GMPR2: variants seen among roughly 807,000 people sequenced by gnomAD.
GMPR2 encodes GMP reductase 2.
GMPR2 carries 32 observed loss-of-function variants against 38.5 expected under a neutral mutation model. That is an observed-to-expected ratio of 0.83 (90% CI 0.63 to 1.12). GMPR2 has a LOEUF of 1.12. Among genes scored for constraint, GMPR2 ranks in the 50% most tolerant of loss-of-function variants. GMPR2 has a pLI of 0.00. For synonymous variants in GMPR2, 154 were observed against 151.0 expected, an observed-to-expected ratio of 1.02 and a Z score of -0.15; for missense variants, 396 against 432.1, an observed-to-expected ratio of 0.92 and a Z score of 0.74.
chr14:24,237,551 C>T lies in GMPR2; in HGVS notation c.686C>T (p.Ala229Val), dbSNP rs1330592751. The change falls in exon 8 of 10, where the codon GCC becomes GTC. Residue 229 changes from alanine (A) to valine (V), a missense_variant. Ala to Val is a moderately conservative substitution (Grantham distance 64). Coordinates refer to ENST00000399440, the MANE Select transcript of GMPR2 (RefSeq NM_001002002.3). ...DGGCSCPGDV[A>V]KAFGAGADFV... ...GGTTGCAGCTGTCCTGGGGATGTGG[C>T]CAAGGCTTTTGGTAAGGAGCTTGAG... 2 of 1,613,634 alleles carry T rather than the reference C, an allele frequency of 1.2e-6. No homozygotes were observed. The highest frequency in any genetic ancestry group is 1.7e-6 in the Non-Finnish European group (2 of 1,179,808).
At position 24,239,190 on chromosome 14, in the gene GMPR2, A is replaced by C; in HGVS notation, c.*412A>C. 2.7e-6 allele frequency: 1 copy of C among 366,752 alleles called. No homozygotes were observed. Among genetic ancestry groups the C allele is most frequent in the Non-Finnish European group, 5.3e-6 (1 of 188,776 alleles). The allele number at this position is 366,752 out of a possible 1,614,324, so 22.7% of individuals were successfully genotyped here. On this transcript the variant is annotated 3_prime_UTR_variant, in exon 10 of 10. Coordinates refer to ENST00000399440, the MANE Select transcript of GMPR2 (RefSeq NM_001002002.3). Reference sequence around the variant, plus strand: ...CCTTCACATATCTAAAAAGCTCTGAAGTGTTTGTATATTTGAAATACCTCA... The same window carrying C: ...CCTTCACATATCTAAAAAGCTCTGACGTGTTTGTATATTTGAAATACCTCA...
chr14:24,238,527 GAA>G, intron 9 of GMPR2, 60 bp from the exon 10 acceptor site: 1 of 1,614,026 alleles, frequency 6.2e-7, no homozygotes, highest in East Asian at 2.2e-5. Context: ...AGGGTCTGTG[GAA>G]AAGTCCCTGG....
chr14:24,238,146 C>T (rs957652533), intron 8 of GMPR2, 100 bp from the exon 9 acceptor site: 3 of 1,078,546 alleles, frequency 2.8e-6, no homozygotes, highest in African/African-American at 1.6e-5. Context: ...ACGCTGGAAT[C>T]ATTGTCAGGA....
rs756023713 is a variant in GMPR2, at chr14:24,237,282, G to A, written c.585G>A (p.Gly195=). The change falls in exon 7 of 10, where the codon GGG becomes GGA. Residue 195 remains glycine, a synonymous_variant. Transcript: ENST00000399440. ...CTACTCGGAAGAAAACTGGAGTGGGGTATCCACAGCTCAGCGCAGTGATGG... is the reference window on the plus strand; with the variant it reads ...CTACTCGGAAGAAAACTGGAGTGGGATATCCACAGCTCAGCGCAGTGATGG... ...VCTTRKKTGV[G]YPQLSAVMEC... is the part of the protein sequence containing the mutation. 1.9e-6 allele frequency: 3 copies of A among 1,611,844 alleles called. No individual in the cohort carries two copies. Among genetic ancestry groups the A allele is most frequent in the African/African-American group, 1.3e-5 (1 of 74,872 alleles).
intron 3 of GMPR2, chr14:24,234,213 T>C (rs1426668818): frequency 7.8e-7 from 1 of 1,289,470 alleles, no homozygotes; most frequent in Non-Finnish European, 1.0e-6. Flanking sequence ...TCAGTACTAT[T>C]ACCTGCCTCT....
Position 24,238,786 on chromosome 14 carries a change from C to A in GMPR2, c.*8C>A. The A allele has an allele frequency of 6.2e-7, 1 of 1,608,816 alleles. No individual in the cohort carries two copies. The stretch of plus-strand genomic sequence containing the variant: ...TTCAGTGAGGCGTGCTAGACCTGAG[C>A]AGTTCTACCCTCCCAAGGCACCAGT... On this transcript the variant is annotated 3_prime_UTR_variant, in exon 10 of 10. Coordinates refer to ENST00000399440, the MANE Select transcript of GMPR2 (RefSeq NM_001002002.3).
Position 24,233,504 on chromosome 14 carries a change from T to G in GMPR2, c.113T>G (p.Phe38Cys). The change falls in exon 3 of 10, where the codon TTT (phenylalanine) becomes TGT (cysteine). Residue 38 changes from phenylalanine to cysteine, a missense_variant. Coordinates refer to ENST00000399440, the MANE Select transcript of GMPR2 (RefSeq NM_001002002.3). ...SEVDLTRSFS[F>C]RNSKQTYSGV... ...GTGGATCTCACAAGATCCTTTTCAT[T>G]TCGGAACTCAAAGCAGACATACTCT... 6.2e-7 allele frequency: 1 copy of G among 1,614,054 alleles called. No homozygotes were observed. Among genetic ancestry groups the G allele is most frequent in the Non-Finnish European group, 8.5e-7 (1 of 1,179,976 alleles).
At chr14:24,238,216 A>T (rs1555360005) in intron 8 of GMPR2, 30 bp from the exon 9 acceptor site, 10 of 1,586,032 alleles carry the variant, frequency 6.3e-6, no homozygotes, top group African/African-American at 1.3e-5. Flanking sequence ...GGCCAGATTA[A>T]TCTCTTTCCC....
chr14:24,238,798 C>T lies in GMPR2; in HGVS notation c.*20C>T, dbSNP rs1379176153. On this transcript the variant is annotated 3_prime_UTR_variant, in exon 10 of 10. Transcript: ENST00000399440. ...TGCTAGACCTGAGCAGTTCTACCCT[C>T]CCAAGGCACCAGTACTCTACCATGG... is the stretch of plus-strand genomic sequence containing the variant. 3.7e-6 allele frequency: 6 copies of T among 1,604,296 alleles called. No individual in the cohort carries two copies. Among genetic ancestry groups the T allele is most frequent in the Non-Finnish European group, 5.1e-6 (6 of 1,175,856 alleles).
chr14:24,233,114 G>C (rs2040134372), intron 1 of GMPR2, 105 bp from the exon 2 acceptor site: 3 of 1,479,432 alleles, frequency 2.0e-6, no homozygotes, highest in South Asian at 2.3e-5. Flanking sequence ...ACCACACTTC[G>C]GCCTTTGCCC....
At position 24,233,113 on chromosome 14, in the gene GMPR2, C is replaced by A. The variant is rs1035726199; in HGVS notation, c.-35-106C>A. On this transcript the variant is annotated intron_variant, in intron 1 of 9. Coordinates refer to ENST00000399440, the MANE Select transcript of GMPR2 (RefSeq NM_001002002.3). ...GTGACAGGCTTCAGGGACCACACTT[C>A]GGCCTTTGCCCGACCTTCCACAACT... The A allele has an allele frequency of 3.4e-6, 5 of 1,461,940 alleles. No individual in the cohort carries two copies. In the Admixed American group the frequency reaches 8.6e-5, roughly 25 times the overall value. The allele number at this position is 1,461,940 out of a possible 1,614,324, so 90.6% of individuals were successfully genotyped here. A position where few individuals can be genotyped will look rare whatever the true frequency, so the allele number is the denominator to read the frequency against.
At position 24,237,141 on chromosome 14, in the gene GMPR2, G is replaced by A. The variant is rs754067969; in HGVS notation, c.536G>A (p.Gly179Glu). ...ILSGADIIKVGIGPGSVCTTR... is the reference protein window; with the variant it reads ...ILSGADIIKVEIGPGSVCTTR... The stretch of plus-strand genomic sequence containing the variant: ...TCTGGGGCTGACATCATCAAAGTGG[G>A]AATTGGGCCAGGTAAGCTGGTTCAT... The change falls in exon 6 of 10, where the codon GGA becomes GAA. Residue 179 changes from glycine (G) to glutamate (E), a missense_variant. Gly to Glu is a moderately conservative substitution (Grantham distance 98). Transcript: ENST00000399440. 1.2e-6 allele frequency: 2 copies of A among 1,609,158 alleles called. No individual in the cohort carries two copies. The highest frequency in any genetic ancestry group is 3.3e-5 in the Admixed American group (2 of 60,026).
At position 24,238,295 on chromosome 14, in the gene GMPR2, T is replaced by C; in HGVS notation, c.747T>C (p.Ser249=). The C allele has an allele frequency of 1.9e-6, 3 of 1,613,932 alleles. No individual in the cohort carries two copies. The highest frequency in any genetic ancestry group is 1.7e-4 in the Middle Eastern group (1 of 6,050). ...VMLGGMLAGH[S]ESGGELIERD... ...TGGGTGGCATGCTGGCTGGGCACAG[T>C]GAGTCAGGTGGTGAGCTCATCGAGA... is the stretch of plus-strand genomic sequence containing the variant. The change falls in exon 9 of 10, where the codon AGT becomes AGC. Residue 249 remains serine, a synonymous_variant. Transcript: ENST00000399440.
rs758128623 is a variant in GMPR2 at position 24,235,786 on chromosome 14, AAG to A, written c.260_261del (p.Glu87ValfsTer7). 1.9e-6 allele frequency: 3 copies of A among 1,613,752 alleles called. No homozygotes were observed. The highest frequency in any genetic ancestry group is 2.5e-6 in the Non-Finnish European group (3 of 1,179,618). ...AAGCACTATAGCCTCGTTCAGTGGC[AAG>A]AGTTTGCTGGCCAGAATCCTGACTG... is the stretch of plus-strand genomic sequence containing the variant. On this transcript the variant is annotated frameshift_variant, in exon 4 of 10. Coordinates refer to ENST00000399440, the MANE Select transcript of GMPR2 (RefSeq NM_001002002.3). LOFTEE classifies it high-confidence loss of function.
At position 24,233,316 on chromosome 14, in the gene GMPR2, C is replaced by T; in HGVS notation, c.63C>T (p.Arg21=). 6.2e-7 allele frequency: 1 copy of T among 1,614,150 alleles called. No individual in the cohort carries two copies. The highest frequency in any genetic ancestry group is 1.1e-5 in the South Asian group (1 of 91,084). The change falls in exon 2 of 10, where the codon CGC becomes CGT. Residue 21 remains arginine, a synonymous_variant. Transcript: ENST00000399440. The stretch of plus-strand genomic sequence containing the variant: ...AGGATGTCCTTTTGAGGCCCAAACG[C>T]AGTACCCTTAAGTCTCGAAGTGAGG... ...DFKDVLLRPK[R]STLKSRSEVD...
upstream of GMPR2, chr14:24,232,903 A>G (rs1175679587): frequency 2.4e-6 from 1 of 415,426 alleles, no homozygotes; most frequent in East Asian, 4.3e-5. Context: ...CCCGTCGCCA[A>G]CATTCCTTCG....
chr14:24,235,922 C>T (rs1420111209), intron 4 of GMPR2, 45 bp from the exon 5 acceptor site: 1 of 1,602,262 alleles, frequency 6.2e-7, no homozygotes, highest in Non-Finnish European at 8.6e-7. Flanking sequence ...ACTGGCTGCC[C>T]ACCAGATCAT....
At chr14:24,233,673 AC>A (rs766967978) in intron 3 of GMPR2, 75 bp downstream of exon 3, 10 of 1,500,792 alleles carry the variant, frequency 6.7e-6, no homozygotes, top group African/African-American at 1.4e-5. Context: ...TTGCATCCCC[AC>A]CCCCATGCCC....
intron 5 of GMPR2, 122 bp from the exon 6 acceptor site, chr14:24,236,949 G>T: frequency 1.3e-6 from 1 of 778,932 alleles, no homozygotes; most frequent in Non-Finnish European, 2.2e-6. Flanking sequence ...GCCCAGTAGA[G>T]GGGACCTAGT....
Sources: allele counts gnomAD v4.1 joint callset, GRCh38; gene constraint gnomAD v4.1.1; transcripts MANE v1.5; gene names NCBI Gene and HGNC (gene_info 2026-07-23, HGNC 2026-07-21).